The following CCSER1 variants were observed in gnomAD, a reference collection of about 807,000 sequenced individuals.
The protein encoded by CCSER1 is coiled-coil serine rich protein 1.
In CCSER1, 41 loss-of-function variants were observed where a neutral mutation model predicts 82.0. The observed-to-expected ratio is 0.50, with a 90% CI of 0.39 to 0.65. The LOEUF is 0.65. CCSER1 is among the 30% of genes least tolerant of loss of function. The pLI is 0.00. For missense variants in CCSER1, 1,119 were observed against 1,064.2 expected (o/e 1.05, Z -0.72); for synonymous variants, 414 against 383.9 (o/e 1.08, Z -0.92).
At chr4:90,131,201 A>G (rs1299685138) in intron 1 of CCSER1, among the ~76,000 whole-genome samples, 2 of 152,098 alleles carry the variant, frequency 1.3e-5, no homozygotes, top group Non-Finnish European at 2.9e-5. Flanking sequence ...GGGTTTCACC[A>G]TGTTGGCCAG....
intron 10 of CCSER1, among the ~76,000 whole-genome samples, chr4:91,446,672 A>ATAT (rs1553938715): frequency 0.28 from 20,240 of 71,932 alleles, 1,931 homozygotes; most frequent in Non-Finnish European, 0.33. Flanking sequence ...ATTTTAAATA[A>ATAT]ATAAATATAT....
At chr4:91,411,642 A>G (rs1437025392) in intron 10 of CCSER1, among the ~76,000 whole-genome samples, 1 of 150,080 alleles carries the variant, frequency 6.7e-6, no homozygotes, top group East Asian at 2.0e-4. Flanking sequence ...TACCAAACCC[A>G]TAATTATGAT....
chr4:90,432,316 C>A (rs1297533577), intron 4 of CCSER1, among the ~76,000 whole-genome samples: 3 of 152,108 alleles, frequency 2.0e-5, no homozygotes, highest in African/African-American at 7.2e-5. Flanking sequence ...TTTTGCTGTG[C>A]AGTCACCTGC....
At chr4:90,733,762 C>A (rs963580151) in intron 7 of CCSER1, among the ~76,000 whole-genome samples, 2 of 152,078 alleles carry the variant, frequency 1.3e-5, no homozygotes, top group Non-Finnish European at 2.9e-5. Flanking sequence ...GGTTTTCTGG[C>A]ATCATTTATT....
intron 5 of CCSER1, among the ~76,000 whole-genome samples, chr4:90,520,776 T>G (rs552491098): frequency 6.6e-6 from 1 of 152,214 alleles, no homozygotes; most frequent in South Asian, 2.1e-4. Context: ...CAATGTTTGT[T>G]AAAATAGATA....
At chr4:90,838,952 A>C (rs1554024733) in intron 8 of CCSER1, 1 of 1,613,374 alleles carries the variant, frequency 6.2e-7, no homozygotes, top group Non-Finnish European at 8.5e-7. Context: ...TTTGGAAGGC[A>C]GTGGATTTTT....
At position 90,759,792 on chromosome 4, in the gene CCSER1, C is replaced by T. The variant is rs1021230283; in HGVS notation, c.2010+35801C>T. Among the ~76,000 whole-genome samples the T allele has an allele frequency of 3.1e-4, 47 of 152,136 alleles. 1 individual carries two copies. The highest frequency in any genetic ancestry group is 3.4e-3 in the Middle Eastern group (1 of 294). On this transcript the variant is annotated intron_variant, in intron 7 of 10. Coordinates refer to ENST00000509176, the MANE Select transcript of CCSER1 (RefSeq NM_001145065.2). ...TTTAATTCTTTCTGATAATTTCTTT[C>T]GTCTTCACCACATATATACCACAGA...
At chr4:90,741,093 C>T (rs1024416914) in intron 7 of CCSER1, among the ~76,000 whole-genome samples, 1 of 152,056 alleles carries the variant, frequency 6.6e-6, no homozygotes, top group Non-Finnish European at 1.5e-5. Context: ...AGGTACAGAA[C>T]ATGGGAAGAG....
chr4:90,291,068 A>C (rs959608017), intron 1 of CCSER1, among the ~76,000 whole-genome samples: 37 of 152,060 alleles, frequency 2.4e-4, no homozygotes, highest in African/African-American at 8.9e-4. Flanking sequence ...TTTCAAAGTC[A>C]TAAAAAATAA....
chr4:91,591,591 C>T (rs1467614299), intron 10 of CCSER1, among the ~76,000 whole-genome samples: 2 of 152,056 alleles, frequency 1.3e-5, no homozygotes, highest in African/African-American at 2.4e-5. Flanking sequence ...TATCTTGCTA[C>T]TACTACTAAA....
intron 3 of CCSER1, among the ~76,000 whole-genome samples, chr4:90,335,997 C>T (rs962856165): frequency 6.6e-6 from 1 of 152,202 alleles, no homozygotes; most frequent in Non-Finnish European, 1.5e-5. Context: ...CTCACCATTT[C>T]TATGCCATGG....
At chr4:91,475,598 T>G (rs1045563637) in intron 10 of CCSER1, among the ~76,000 whole-genome samples, 5 of 151,892 alleles carry the variant, frequency 3.3e-5, no homozygotes, top group African/African-American at 1.2e-4. Flanking sequence ...CACCTTTTCT[T>G]TCTCTTCTGA....
chr4:90,919,007 A>T (rs1490188323), intron 8 of CCSER1, among the ~76,000 whole-genome samples: 4 of 147,952 alleles, frequency 2.7e-5, no homozygotes, highest in Non-Finnish European at 5.9e-5. Flanking sequence ...GATGATATTT[A>T]TATTAGTAGG....
At chr4:90,200,787 C>A (rs1216193597) in intron 1 of CCSER1, among the ~76,000 whole-genome samples, 5 of 151,742 alleles carry the variant, frequency 3.3e-5, no homozygotes, top group Non-Finnish European at 5.9e-5. Context: ...TACTAATCTA[C>A]CTTAGCATCC....
At chr4:90,563,174 C>T (rs183795569) in intron 5 of CCSER1, among the ~76,000 whole-genome samples, 39 of 152,038 alleles carry the variant, frequency 2.6e-4, no homozygotes, top group Middle Eastern at 3.4e-3. Context: ...TGCAGTGGCA[C>T]GATATCGGCT....
chr4:90,396,801 TTTTCTTTCTTTC>T (rs375479076), intron 3 of CCSER1, among the ~76,000 whole-genome samples: 6 of 152,112 alleles, frequency 3.9e-5, no homozygotes, highest in East Asian at 1.9e-4. Flanking sequence ...GTCTTTCTTC[TTTTCTTTCTTTC>T]TTTCTTTCTT....
chr4:91,017,839 G>GTA (rs1480717443), intron 9 of CCSER1, among the ~76,000 whole-genome samples: 11 of 141,838 alleles, frequency 7.8e-5, no homozygotes, highest in South Asian at 2.2e-4. Flanking sequence ...GTGTGTGTGT[G>GTA]TGTATAAATT....
chr4:91,544,740 T>A (rs182545991), intron 10 of CCSER1, among the ~76,000 whole-genome samples: 220 of 152,132 alleles, frequency 1.4e-3, no homozygotes, highest in African/African-American at 5.0e-3. Flanking sequence ...TGCCTCCCAG[T>A]TAGGCTACTC....
intron 9 of CCSER1, among the ~76,000 whole-genome samples, chr4:91,084,938 A>G (rs1723212787): frequency 6.6e-6 from 1 of 152,048 alleles, no homozygotes; most frequent in South Asian, 2.1e-4. Context: ...GCCAAATGAA[A>G]AAAAAGTTAT....
Sources: gnomAD v4.1 joint callset for allele counts (sites outside exome capture counted in the v4.1 genomes callset) on GRCh38, gnomAD v4.1.1 for gene constraint, MANE v1.5 for transcripts, NCBI Gene and HGNC (gene_info 2026-07-23, HGNC 2026-07-21) for gene names.